The following SNTB1 variants were observed in gnomAD, a reference collection of about 807,000 sequenced individuals.
The protein encoded by SNTB1 is beta-1-syntrophin.
Under a neutral mutation model 48.9 loss-of-function variants are expected in SNTB1, and 36 were observed. The ratio of observed to expected loss-of-function variants is 0.74; its 90% CI spans 0.56 to 0.97. The LOEUF is 0.97. Ranked by LOEUF, SNTB1 falls within the 50% of genes least tolerant of loss-of-function variation. The probability of loss-of-function intolerance (pLI) is 0.00; values close to 1 mark genes in which losing one functional copy is unlikely to be tolerated. For synonymous variants in SNTB1, 299 were observed against 294.6 expected (o/e 1.01, Z -0.15); for missense variants, 786 against 703.4 (o/e 1.12, Z -1.33).
At chr8:120,553,022 T>C (rs1815507709) in intron 4 of SNTB1, among the ~76,000 whole-genome samples, 1 of 152,096 alleles carries the variant, frequency 6.6e-6, no homozygotes. Context: ...CAGGCGGTAA[T>C]GCGAGCAATG....
intron 3 of SNTB1, among the ~76,000 whole-genome samples, chr8:120,584,438 C>CAAAAAAAAAAAAAAAA: frequency 1.8e-5 from 1 of 57,078 alleles, no homozygotes; most frequent in Non-Finnish European, 2.9e-5. Flanking sequence ...AACTCCATCT[C>CAAAAAAAAAAAAAAAA]AAAAAAAAAA....
chr8:120,620,481 TACTTC>T (rs1816776298), intron 3 of SNTB1, among the ~76,000 whole-genome samples: 1 of 152,158 alleles, frequency 6.6e-6, no homozygotes, highest in Non-Finnish European at 1.5e-5. Context: ...TATAGTATGG[TACTTC>T]ACTGCCCTTC....
intron 1 of SNTB1, among the ~76,000 whole-genome samples, chr8:120,719,536 C>A (rs1197053837): frequency 6.6e-6 from 1 of 152,160 alleles, no homozygotes; most frequent in Non-Finnish European, 1.5e-5. Flanking sequence ...GTCTAGCTTG[C>A]CCAGGTTGAG....
chr8:120,650,057 G>A (rs373700490), intron 2 of SNTB1, among the ~76,000 whole-genome samples: 21 of 152,192 alleles, frequency 1.4e-4, no homozygotes, highest in African/African-American at 4.1e-4. Context: ...ACTGACCTGC[G>A]CCCACTGTCT....
chr8:120,750,809 C>T (rs1189634961), intron 1 of SNTB1, among the ~76,000 whole-genome samples: 3 of 152,032 alleles, frequency 2.0e-5, no homozygotes, highest in Non-Finnish European at 2.9e-5. Context: ...GAAAGGCTGG[C>T]TTCCCTCTTC....
chr8:120,610,689 G>A (rs1302581914), intron 3 of SNTB1, among the ~76,000 whole-genome samples: 2 of 152,110 alleles, frequency 1.3e-5, no homozygotes, highest in Non-Finnish European at 2.9e-5. Flanking sequence ...TTGATTTGGG[G>A]TTTTATACTT....
At chr8:120,651,182 G>A (rs1817406125) in intron 2 of SNTB1, among the ~76,000 whole-genome samples, 1 of 152,184 alleles carries the variant, frequency 6.6e-6, no homozygotes, top group Non-Finnish European at 1.5e-5. Context: ...TCCAGGGCAG[G>A]TGGGCTATAG....
chr8:120,694,013 C>A, intron 1 of SNTB1, 105 bp from the exon 2 acceptor site: 1 of 843,026 alleles, frequency 1.2e-6, no homozygotes, highest in East Asian at 2.5e-5. Context: ...GCTCTTAATA[C>A]TGAACTTCTT....
chr8:120,543,678 G>A (rs1815329740), intron 5 of SNTB1, among the ~76,000 whole-genome samples: 1 of 152,132 alleles, frequency 6.6e-6, no homozygotes, highest in African/African-American at 2.4e-5. Flanking sequence ...AGGCGGGGAG[G>A]CCTCCAAAGT....
chr8:120,675,326 A>G (rs1563848668), intron 2 of SNTB1, among the ~76,000 whole-genome samples: 1 of 152,218 alleles, frequency 6.6e-6, no homozygotes, highest in Non-Finnish European at 1.5e-5. Flanking sequence ...AATCAGCTTG[A>G]TGAACTCTTA....
At chr8:120,718,627 C>T (rs533202432) in intron 1 of SNTB1, among the ~76,000 whole-genome samples, 5 of 152,262 alleles carry the variant, frequency 3.3e-5, no homozygotes, top group African/African-American at 1.2e-4. Context: ...TCTGACCACA[C>T]CCCCTTCCTC....
chr8:120,573,589 T>C (rs549626817), intron 4 of SNTB1, among the ~76,000 whole-genome samples: 164 of 152,330 alleles, frequency 1.1e-3, no homozygotes, highest in African/African-American at 3.9e-3. Context: ...GCTATAGGTG[T>C]CATATACAAT....
chr8:120,693,939 A>C (rs373996554), intron 1 of SNTB1, 31 bp from the exon 2 acceptor site: 20 of 1,536,432 alleles, frequency 1.3e-5, no homozygotes, highest in Non-Finnish European at 1.4e-5. Flanking sequence ...AGTGCTTTTA[A>C]TACATCACGG....
At chr8:120,642,516 G>A (rs755719812) in intron 2 of SNTB1, among the ~76,000 whole-genome samples, 11 of 152,170 alleles carry the variant, frequency 7.2e-5, no homozygotes, top group Admixed American at 7.2e-4. Context: ...AAGGAGCTGA[G>A]CCTATTGATA....
intron 1 of SNTB1, among the ~76,000 whole-genome samples, chr8:120,752,668 T>G (rs1285749613): frequency 6.6e-6 from 1 of 152,124 alleles, no homozygotes; most frequent in Non-Finnish European, 1.5e-5. Context: ...TGGATGCAGC[T>G]GGAGGCCATT....
rs1417337360 is a variant in SNTB1 at position 120,682,970 on chromosome 8, C to T, written c.788+10722G>A. Among the ~76,000 whole-genome samples the T allele has an allele frequency of 4.0e-5, 6 of 151,330 alleles. No homozygotes were observed. The South Asian group carries it at 8.3e-4, about 21-fold the overall frequency. The stretch of plus-strand genomic sequence containing the variant: ...TATCTCGGCTCACTGCAACCTCCGC[C>T]TCCTGGGTTCACGCCATTCTCCTGC... On this transcript the variant is annotated intron_variant, in intron 2 of 6. Transcript: ENST00000517992.
intron 2 of SNTB1, among the ~76,000 whole-genome samples, chr8:120,654,328 A>C (rs925084094): frequency 1.3e-5 from 2 of 152,126 alleles, no homozygotes; most frequent in African/African-American, 4.8e-5. Flanking sequence ...GCAGCAATAA[A>C]GTCAGGATGG....
At chr8:120,744,837 C>G (rs770730757) in intron 1 of SNTB1, among the ~76,000 whole-genome samples, 1 of 152,152 alleles carries the variant, frequency 6.6e-6, no homozygotes, top group Non-Finnish European at 1.5e-5. Context: ...ATAATACAAT[C>G]ATATATTACA....
chr8:120,609,015 C>T (rs1816572113), intron 3 of SNTB1, among the ~76,000 whole-genome samples: 1 of 152,126 alleles, frequency 6.6e-6, no homozygotes, highest in East Asian at 1.9e-4. Context: ...TAAAATCCTG[C>T]TGAGATCCTT....
Sources: gnomAD v4.1 joint callset for allele counts (sites outside exome capture counted in the v4.1 genomes callset) on GRCh38, gnomAD v4.1.1 for gene constraint, MANE v1.5 for transcripts, NCBI Gene and HGNC (gene_info 2026-07-23, HGNC 2026-07-21) for gene names.